Variants in NEO1 observed in about 807,000 individuals in gnomAD.
The protein encoded by NEO1 is neogenin 1.
NEO1 carries 63 observed loss-of-function variants against 159.7 expected under a neutral mutation model. The ratio of observed to expected loss-of-function variants is 0.39; its 90% CI spans 0.32 to 0.49. The LOEUF (loss-of-function observed/expected upper bound fraction) is 0.49. Among genes scored for constraint, NEO1 ranks in the 20% least tolerant of loss-of-function variants. NEO1 has a pLI of 0.85. For missense variants in NEO1, 1,615 were observed against 1,831.0 expected (o/e 0.88, Z 2.15); for synonymous variants, 633 against 662.0 (o/e 0.96, Z 0.67).
chr15:73,121,292 CT>C (rs1011965183), intron 2 of NEO1, among the ~76,000 whole-genome samples: 13 of 152,252 alleles, frequency 8.5e-5, no homozygotes, highest in Admixed American at 7.2e-4. Context: ...CTTTAAAACT[CT>C]TTAGATATAA....
chr15:73,202,478 C>T (rs573111626), intron 7 of NEO1, among the ~76,000 whole-genome samples: 200 of 152,274 alleles, frequency 1.3e-3, no homozygotes, highest in African/African-American at 4.4e-3. Flanking sequence ...CTGTTATCTG[C>T]TTTCAATCCA....
At chr15:73,233,105 C>CA (rs763252372) in intron 7 of NEO1, among the ~76,000 whole-genome samples, 13 of 152,096 alleles carry the variant, frequency 8.5e-5, no homozygotes, top group Non-Finnish European at 1.3e-4. Context: ...ATCATCTTGC[C>CA]ATTGATGCTA....
At chr15:73,166,353 G>C (rs771064985) in intron 5 of NEO1, among the ~76,000 whole-genome samples, 1 of 152,182 alleles carries the variant, frequency 6.6e-6, no homozygotes. Context: ...TTCTGGGCAT[G>C]TTACCAAACT....
intron 5 of NEO1, among the ~76,000 whole-genome samples, chr15:73,148,583 A>C (rs2151822612): frequency 6.6e-6 from 1 of 152,294 alleles, no homozygotes; most frequent in African/African-American, 2.4e-5. Flanking sequence ...CTTTCATATA[A>C]ACCCAGTTTA....
rs2041027074 is a variant in NEO1 at position 73,268,645 on chromosome 15, G to A, written c.2495-1365G>A. The stretch of plus-strand genomic sequence containing the variant: ...GCCATTCCACATTTTGAGTAATAAG[G>A]GCTAGTCACCATGACTATGTGAGAA... On this transcript the variant is annotated intron_variant, in intron 16 of 28. Transcript: ENST00000261908. Among the ~76,000 whole-genome samples, 3 of 152,284 alleles carry A rather than the reference G, an allele frequency of 2.0e-5. No homozygotes were observed. In the South Asian group the frequency reaches 6.2e-4, roughly 32 times the overall value.
At chr15:73,251,581 G>C (rs2040074746) in intron 11 of NEO1, among the ~76,000 whole-genome samples, 1 of 151,538 alleles carries the variant, frequency 6.6e-6, no homozygotes, top group Non-Finnish European at 1.5e-5. Flanking sequence ...ACCTTAGCTA[G>C]TGAACTACAT....
At chr15:73,095,004 A>G (rs539606070) in intron 1 of NEO1, among the ~76,000 whole-genome samples, 1 of 152,052 alleles carries the variant, frequency 6.6e-6, no homozygotes, top group African/African-American at 2.4e-5. Flanking sequence ...AGGTCAAGAG[A>G]TTGAGACCAT....
intron 7 of NEO1, among the ~76,000 whole-genome samples, chr15:73,211,491 C>T (rs550128662): frequency 2.0e-5 from 3 of 152,212 alleles, no homozygotes; most frequent in Admixed American, 6.5e-5. Flanking sequence ...CCGAGGCGGG[C>T]GGATCAGGAG....
Position 73,155,585 on chromosome 15 carries a change from C to T in NEO1, c.1015+19558C>T, listed in dbSNP as rs1255648875. On this transcript the variant is annotated intron_variant, in intron 5 of 28. Transcript: ENST00000261908. ...AAACTTTCTGATTTTTCTTTCCCCT[C>T]AGGAATACCCGTAATTCACAAGTCC... 2.6e-5 allele frequency among the ~76,000 whole-genome samples: 4 copies of T among 152,132 alleles called. No homozygotes were observed. The East Asian group carries it at 5.8e-4, about 22-fold the overall frequency.
chr15:73,265,177 G>A (rs2040829443), intron 15 of NEO1, among the ~76,000 whole-genome samples: 1 of 152,160 alleles, frequency 6.6e-6, no homozygotes, highest in African/African-American at 2.4e-5. Context: ...AGTGGTGGGA[G>A]AAGACAAGTA....
chr15:73,295,139 TATATGTAA>T (rs2042310144), intron 26 of NEO1, among the ~76,000 whole-genome samples: 1 of 142,820 alleles, frequency 7.0e-6, no homozygotes, highest in African/African-American at 2.5e-5. Flanking sequence ...TATATATATA[TATATGTAA>T]AAATTTGGCC....
intron 1 of NEO1, among the ~76,000 whole-genome samples, chr15:73,111,848 T>C (rs2071010592): frequency 6.6e-6 from 1 of 152,170 alleles, no homozygotes; most frequent in Non-Finnish European, 1.5e-5. Flanking sequence ...TTGTCCAGAC[T>C]GGTCTTGAAC....
At position 73,254,743 on chromosome 15, in the gene NEO1, A is replaced by T; in HGVS notation, c.2006A>T (p.Tyr669Phe). ...ACACAAAATGGGCAGATTACTGGCT[A>T]CAAGATTCGCTACCGAAAGGCCTCC... ...PATQNGQITG[Y>F]KIRYRKASRK... is the part of the protein sequence containing the mutation. The change falls in exon 13 of 29, where the codon TAC becomes TTC. Residue 669 changes from tyrosine (Y) to phenylalanine (F), a missense_variant. By Grantham distance (22) the Tyr-to-Phe change is conservative. Transcript: ENST00000261908. 1 of 1,614,136 alleles carries T rather than the reference A, an allele frequency of 6.2e-7. No homozygotes were observed. The highest frequency in any genetic ancestry group is 8.5e-7 in the Non-Finnish European group (1 of 1,179,994).
At chr15:73,210,477 A>G (rs1159269820) in intron 7 of NEO1, among the ~76,000 whole-genome samples, 2 of 152,240 alleles carry the variant, frequency 1.3e-5, no homozygotes, top group Non-Finnish European at 2.9e-5. Flanking sequence ...AGGACTTTAC[A>G]TGAATTCAAA....
At chr15:73,149,973 G>GT (rs2033242953) in intron 5 of NEO1, among the ~76,000 whole-genome samples, 1 of 152,064 alleles carries the variant, frequency 6.6e-6, no homozygotes, top group African/African-American at 2.4e-5. Context: ...TCAACTGTAG[G>GT]TTTGTACCCA....
chr15:73,254,622 T>C, intron 12 of NEO1, 60 bp from the exon 13 acceptor site: 1 of 1,467,186 alleles, frequency 6.8e-7, no homozygotes, highest in Non-Finnish European at 9.0e-7. Context: ...TAAAAATATT[T>C]AAAACAGGAC....
intron 1 of NEO1, among the ~76,000 whole-genome samples, chr15:73,072,103 A>G (rs189286195): frequency 1.3e-5 from 2 of 151,994 alleles, no homozygotes. Context: ...GGCATGTGCC[A>G]CTACACTCAG....
chr15:73,163,061 C>A (rs2034304593), intron 5 of NEO1: 1 of 152,126 alleles, frequency 6.6e-6, no homozygotes, highest in Non-Finnish European at 1.5e-5. Flanking sequence ...AATAAAATTA[C>A]ATATTTTTCT....
In NEO1 at chr15:73,295,125, A is replaced by AATATATATATATATATATATATATAT. The variant is rs10524460; in HGVS notation, c.3901+1595_3901+1596insATATATATATATATATATATATATAT. Among the ~76,000 whole-genome samples the AATATATATATATATATATATATATAT allele has an allele frequency of 4.7e-3, 465 of 99,816 alleles. 11 individuals are homozygous for AATATATATATATATATATATATATAT. The highest frequency in any genetic ancestry group is 7.2e-3 in the South Asian group (24 of 3,318). The allele number at this position is 99,816 out of a possible 152,430, so 65.5% of individuals were successfully genotyped here. On this transcript the variant is annotated intron_variant, in intron 26 of 28. Transcript: ENST00000261908. ...AAGATCCCGTCTCTACTAAATATTAAATATATATATATATATATGTAAAAA... is the reference window on the plus strand; with the variant it reads ...AAGATCCCGTCTCTACTAAATATTAAATATATATATATATATATATATATATATATATATATATATATATGTAAAAA...
Sources: gnomAD v4.1 joint callset for allele counts (sites outside exome capture counted in the v4.1 genomes callset) on GRCh38, gnomAD v4.1.1 for gene constraint, MANE v1.5 for transcripts, NCBI Gene and HGNC (gene_info 2026-07-23, HGNC 2026-07-21) for gene names.